NCK2: variants seen among roughly 807,000 people sequenced by gnomAD.
NCK2 encodes NCK adaptor protein 2.
A neutral mutation model predicts 33.9 loss-of-function variants in NCK2; 16 were observed. The ratio of observed to expected loss-of-function variants is 0.47; its 90% CI spans 0.32 to 0.72. The LOEUF is 0.72. Ranked by LOEUF, NCK2 falls within the 30% of genes least tolerant of loss-of-function variation. The pLI is 0.03. For missense variants in NCK2, 418 were observed against 537.3 expected (o/e 0.78, Z 2.19); for synonymous variants, 273 against 239.9 (o/e 1.14, Z -1.27).
At chr2:105,758,111 CTT>C (rs1305205389) in intron 1 of NCK2, among the ~76,000 whole-genome samples, 1 of 152,154 alleles carries the variant, frequency 6.6e-6, no homozygotes, top group Non-Finnish European at 1.5e-5. Flanking sequence ...AGCTTTATCT[CTT>C]AAAAATGAGT....
chr2:105,764,430 G>A (rs980991159), intron 1 of NCK2, among the ~76,000 whole-genome samples: 1 of 152,256 alleles, frequency 6.6e-6, no homozygotes, highest in Admixed American at 6.5e-5. Context: ...GCAGGAGCCT[G>A]CAGCCTGCTC....
chr2:105,786,447 C>G (rs1441191967), intron 1 of NCK2, among the ~76,000 whole-genome samples: 8 of 152,214 alleles, frequency 5.3e-5, no homozygotes, highest in African/African-American at 1.9e-4. Context: ...GGAGACCTGG[C>G]TGCCAGCCTT....
At chr2:105,773,716 C>G (rs554936516) in intron 1 of NCK2, among the ~76,000 whole-genome samples, 2 of 152,276 alleles carry the variant, frequency 1.3e-5, no homozygotes, top group East Asian at 3.9e-4. Flanking sequence ...TGAGCACCTA[C>G]TCTGAGCCAG....
chr2:105,761,321 T>C (rs559923275), intron 1 of NCK2, among the ~76,000 whole-genome samples: 4 of 152,230 alleles, frequency 2.6e-5, no homozygotes, highest in Admixed American at 2.6e-4. Flanking sequence ...GAATCTTTTT[T>C]TGGGAGGGAG....
chr2:105,851,529 T>C (rs1310492093), intron 2 of NCK2, among the ~76,000 whole-genome samples: 20 of 152,092 alleles, frequency 1.3e-4, no homozygotes, highest in Admixed American at 1.3e-3. Flanking sequence ...AGTGCTGGGA[T>C]TACAGGCGTG....
chr2:105,777,063 A>G (rs1199701055), intron 1 of NCK2, among the ~76,000 whole-genome samples: 1 of 151,948 alleles, frequency 6.6e-6, no homozygotes, highest in Non-Finnish European at 1.5e-5. Context: ...GGGCAAAATG[A>G]GGCCTTGAGA....
chr2:105,880,778 G>A lies in NCK2; in HGVS notation c.227-550G>A, dbSNP rs577099889. Among the ~76,000 whole-genome samples the A allele has an allele frequency of 2.6e-5, 4 of 152,060 alleles. No individual in the cohort carries two copies. The East Asian group carries it at 7.7e-4, about 29-fold the overall frequency. On this transcript the variant is annotated intron_variant, in intron 3 of 4. Transcript: ENST00000233154. The stretch of plus-strand genomic sequence containing the variant: ...TATCTTTTGTGTCACTGGTATTCCC[G>A]CATTTTTTGGTTTTAGAGACAGGGC...
intron 2 of NCK2, among the ~76,000 whole-genome samples, chr2:105,818,883 C>T (rs890645551): frequency 5.9e-5 from 9 of 152,120 alleles, no homozygotes; most frequent in African/African-American, 1.2e-4. Flanking sequence ...TCTTTCTCTT[C>T]GACCACCTTA....
intron 1 of NCK2, among the ~76,000 whole-genome samples, chr2:105,806,181 A>G (rs562899726): frequency 3.3e-5 from 5 of 151,214 alleles, no homozygotes; most frequent in Admixed American, 6.6e-5. Flanking sequence ...AGCCTTGTAT[A>G]TGTATGTGTG....
At chr2:105,845,869 A>G (rs1305393356) in intron 2 of NCK2, among the ~76,000 whole-genome samples, 1 of 152,146 alleles carries the variant, frequency 6.6e-6, no homozygotes, top group Admixed American at 6.5e-5. Flanking sequence ...TAAGAAGCCA[A>G]GTTCCACCAA....
In NCK2 at chr2:105,796,828, A is replaced by G. The variant is rs1015076463; in HGVS notation, c.-200-19602A>G. On this transcript the variant is annotated intron_variant, in intron 1 of 4. Coordinates refer to ENST00000233154, the MANE Select transcript of NCK2 (RefSeq NM_003581.5). ...ATTTGATTCCATGGAAAGGAAATAT[A>G]TATAATTAGAACACTTATAGACATT... 2.0e-5 allele frequency among the ~76,000 whole-genome samples: 3 copies of G among 152,202 alleles called. No individual in the cohort carries two copies. In the South Asian group the frequency reaches 6.2e-4, roughly 32 times the overall value.
intron 1 of NCK2, among the ~76,000 whole-genome samples, chr2:105,765,644 A>T (rs914664941): frequency 1.3e-4 from 20 of 149,382 alleles, no homozygotes; most frequent in Admixed American, 7.4e-4. Flanking sequence ...GCTAAAACAG[A>T]GACAGAGGTA....
At chr2:105,886,122 A>G (rs1678711556) in intron 4 of NCK2, among the ~76,000 whole-genome samples, 1 of 152,220 alleles carries the variant, frequency 6.6e-6, no homozygotes, top group Non-Finnish European at 1.5e-5. Flanking sequence ...CAGTGCCTGT[A>G]GGCATCTTTC....
intron 3 of NCK2, among the ~76,000 whole-genome samples, chr2:105,879,450 GA>G (rs1177798723): frequency 1.3e-5 from 2 of 152,350 alleles, no homozygotes; most frequent in African/African-American, 4.8e-5. Context: ...GAAATCCTAT[GA>G]AAGGATGAGT....
At chr2:105,866,235 G>A (rs1007475698) in intron 3 of NCK2, among the ~76,000 whole-genome samples, 7 of 152,144 alleles carry the variant, frequency 4.6e-5, no homozygotes, top group African/African-American at 1.4e-4. Context: ...TTTAAAATTT[G>A]GAAACTATAG....
At chr2:105,843,599 C>T (rs762392609) in intron 2 of NCK2, among the ~76,000 whole-genome samples, 1 of 152,114 alleles carries the variant, frequency 6.6e-6, no homozygotes, top group Non-Finnish European at 1.5e-5. Flanking sequence ...AACGAACACT[C>T]GCAGTGATGG....
intron 1 of NCK2, among the ~76,000 whole-genome samples, chr2:105,780,378 C>G (rs1376086385): frequency 1.3e-5 from 2 of 151,828 alleles, no homozygotes; most frequent in Non-Finnish European, 2.9e-5. Flanking sequence ...ATCTAAAGGA[C>G]ACACACACAT....
chr2:105,824,014 C>T (rs1457800609), intron 2 of NCK2, among the ~76,000 whole-genome samples: 1 of 152,124 alleles, frequency 6.6e-6, no homozygotes, highest in African/African-American at 2.4e-5. Flanking sequence ...TGGTGACGTC[C>T]CTCTTGAGTG....
At chr2:105,805,938 C>T (rs1007680067) in intron 1 of NCK2, among the ~76,000 whole-genome samples, 1 of 152,056 alleles carries the variant, frequency 6.6e-6, no homozygotes, top group Non-Finnish European at 1.5e-5. Flanking sequence ...GGAGCCAAGT[C>T]CAAACATGTA....
Sources: gnomAD v4.1 joint callset for allele counts (sites outside exome capture counted in the v4.1 genomes callset) on GRCh38, gnomAD v4.1.1 for gene constraint, MANE v1.5 for transcripts, NCBI Gene and HGNC (gene_info 2026-07-23, HGNC 2026-07-21) for gene names.